Variants in FAM227B observed in about 807,000 individuals in gnomAD.
FAM227B encodes the protein family with sequence similarity 227 member B.
A neutral mutation model predicts 73.8 loss-of-function variants in FAM227B; 88 were observed. That is an observed-to-expected ratio of 1.19 (90% CI 1.00 to 1.42). FAM227B has a LOEUF of 1.42. FAM227B is among the 40% of genes most tolerant of loss of function. The probability of loss-of-function intolerance (pLI) is 0.00; values close to 1 mark genes in which losing one functional copy is unlikely to be tolerated. For synonymous variants in FAM227B, 210 were observed against 190.5 expected, an observed-to-expected ratio of 1.10 and a Z score of -0.84; for missense variants, 632 against 590.9, an observed-to-expected ratio of 1.07 and a Z score of -0.72.
intron 13 of FAM227B, among the ~76,000 whole-genome samples, chr15:49,364,727 G>C (rs895758228): frequency 6.6e-6 from 1 of 152,042 alleles, no homozygotes; most frequent in Non-Finnish European, 1.5e-5. Flanking sequence ...CTATAAAGCA[G>C]ATAAAATTTG....
At chr15:49,360,058 G>A (rs1241521674) in intron 13 of FAM227B, among the ~76,000 whole-genome samples, 1 of 131,894 alleles carries the variant, frequency 7.6e-6, no homozygotes, top group Non-Finnish European at 1.6e-5. Context: ...ATGGACACAG[G>A]AAGGGGAATA....
chr15:49,524,847 T>C (rs2060040486), intron 10 of FAM227B, among the ~76,000 whole-genome samples: 1 of 152,198 alleles, frequency 6.6e-6, no homozygotes, highest in South Asian at 2.1e-4. Context: ...CCACCAGATT[T>C]CAGACTTGCA....
intron 10 of FAM227B, among the ~76,000 whole-genome samples, chr15:49,524,678 G>A (rs930258338): frequency 3.9e-5 from 6 of 152,164 alleles, no homozygotes; most frequent in South Asian, 4.1e-4. Context: ...GACACTCAAC[G>A]CCAGCTGGTG....
intron 11 of FAM227B, among the ~76,000 whole-genome samples, chr15:49,429,141 T>G (rs1230120079): frequency 6.6e-6 from 1 of 152,038 alleles, no homozygotes; most frequent in South Asian, 2.1e-4. Flanking sequence ...GAATCAAAAA[T>G]AGCAATGTAA....
At chr15:49,465,219 TC>T (rs1417889859) in intron 11 of FAM227B, among the ~76,000 whole-genome samples, 1 of 151,964 alleles carries the variant, frequency 6.6e-6, no homozygotes, top group East Asian at 1.9e-4. Context: ...AACCTCTGCC[TC>T]CTAGGTTAAA....
At chr15:49,518,141 C>T (rs1394695701) in intron 10 of FAM227B, among the ~76,000 whole-genome samples, 5 of 152,144 alleles carry the variant, frequency 3.3e-5, no homozygotes, top group Non-Finnish European at 7.3e-5. Context: ...TTCTATAGGG[C>T]ATGTACCTGG....
chr15:49,561,104 G>A (rs907595916), intron 9 of FAM227B, among the ~76,000 whole-genome samples: 2 of 152,082 alleles, frequency 1.3e-5, no homozygotes, highest in Non-Finnish European at 1.5e-5. Context: ...TGAAAGACAA[G>A]ACTTATCTAT....
At chr15:49,348,441 A>C (rs1468274562) in intron 13 of FAM227B, among the ~76,000 whole-genome samples, 2 of 152,162 alleles carry the variant, frequency 1.3e-5, no homozygotes, top group African/African-American at 4.8e-5. Context: ...AAAAACAGAA[A>C]ACAGACACAT....
At chr15:49,424,427 G>A in intron 11 of FAM227B, 2 of 1,613,724 alleles carry the variant, frequency 1.2e-6, no homozygotes, top group Non-Finnish European at 1.7e-6. Flanking sequence ...GGCTACAAAT[G>A]TGAACTGTTC....
At chr15:49,524,990 G>A (rs2152194676) in intron 10 of FAM227B, among the ~76,000 whole-genome samples, 1 of 152,292 alleles carries the variant, frequency 6.6e-6, no homozygotes, top group Admixed American at 6.5e-5. Context: ...TAGGCAGAAG[G>A]GGCTTGCCTT....
intron 11 of FAM227B, among the ~76,000 whole-genome samples, chr15:49,471,385 AAGG>A (rs1321991465): frequency 6.6e-6 from 1 of 151,838 alleles, no homozygotes; most frequent in South Asian, 2.1e-4. Context: ...CAGGAGGCTG[AAGG>A]AGGAGAATTG....
At chr15:49,367,644 CTT>C (rs780744742) in intron 12 of FAM227B, 36 bp from the exon 13 acceptor site, 1 of 1,519,008 alleles carries the variant, frequency 6.6e-7, no homozygotes, top group Non-Finnish European at 8.8e-7. Flanking sequence ...ACAACGATTA[CTT>C]TTGTGTTTCT....
At chr15:49,607,742 T>C (rs1192575490) in intron 3 of FAM227B, among the ~76,000 whole-genome samples, 2 of 152,164 alleles carry the variant, frequency 1.3e-5, no homozygotes, top group Non-Finnish European at 2.9e-5. Flanking sequence ...GATAGACTGG[T>C]GTCCCAAAGT....
At chr15:49,576,508 C>A in intron 7 of FAM227B, 1 of 372,994 alleles carries the variant, frequency 2.7e-6, no homozygotes. Context: ...CGGTTACATG[C>A]CAAGCCAGTG....
At chr15:49,482,147 T>TGTACCTTCATGTACA in intron 11 of FAM227B, among the ~76,000 whole-genome samples, 1 of 152,156 alleles carries the variant, frequency 6.6e-6, no homozygotes, top group South Asian at 2.1e-4. Flanking sequence ...GTCTCAGGAC[T>TGTACCTTCATGTACA]GTACCTTCAT....
chr15:49,363,472 T>G lies in FAM227B; in HGVS notation c.1271+3976A>C, dbSNP rs1348652412. On this transcript the variant is annotated intron_variant, in intron 13 of 15. Transcript: ENST00000299338. The stretch of plus-strand genomic sequence containing the variant: ...TGCTATTGATTTTTGTACATTGATT[T>G]TGTATCCTGAAACTTTGCTGAAGTT... 2.0e-5 allele frequency among the ~76,000 whole-genome samples: 3 copies of G among 152,352 alleles called. No homozygotes were observed. In the East Asian group the frequency reaches 5.8e-4, roughly 29 times the overall value.
At chr15:49,424,384 T>G in intron 11 of FAM227B, 1 of 1,613,702 alleles carries the variant, frequency 6.2e-7, no homozygotes, top group Non-Finnish European at 8.5e-7. Flanking sequence ...GTACTATATC[T>G]TTAGCTTGCA....
intron 11 of FAM227B, among the ~76,000 whole-genome samples, chr15:49,483,651 C>T (rs1187798955): frequency 2.0e-5 from 3 of 152,000 alleles, no homozygotes; most frequent in Non-Finnish European, 4.4e-5. Flanking sequence ...ATGTTTAGTT[C>T]ATTCATCAAC....
intron 11 of FAM227B, chr15:49,487,539 C>G (rs1487216747): frequency 2.8e-4 from 43 of 151,814 alleles, no homozygotes; most frequent in Admixed American, 2.8e-3. Flanking sequence ...GTTTCTATCT[C>G]ATAGAGTTTG....
Sources: allele counts gnomAD v4.1 joint callset (sites outside exome capture counted in the v4.1 genomes callset), GRCh38; gene constraint gnomAD v4.1.1; transcripts MANE v1.5; gene names NCBI Gene and HGNC (gene_info 2026-07-23, HGNC 2026-07-21).